Variants in RAB11A observed in about 807,000 individuals in gnomAD.
The protein encoded by RAB11A is ras-related protein Rab-11A.
A neutral mutation model predicts 28.0 loss-of-function variants in RAB11A; 9 were observed. The observed-to-expected ratio is 0.32, with a 90% confidence interval of 0.19 to 0.56. The LOEUF is 0.56. Among genes scored for constraint, RAB11A ranks in the 20% least tolerant of loss-of-function variants. RAB11A has a pLI of 0.91. For synonymous variants in RAB11A, 85 were observed against 88.2 expected, an observed-to-expected ratio of 0.96 and a Z score of 0.20; for missense variants, 108 against 269.6, an observed-to-expected ratio of 0.40 and a Z score of 4.20.
intron 4 of RAB11A, among the ~76,000 whole-genome samples, chr15:65,880,118 A>T (rs966089683): frequency 6.6e-6 from 1 of 152,248 alleles, no homozygotes; most frequent in Non-Finnish European, 1.5e-5. Context: ...AAATTTAGTA[A>T]AGGCAAAGCT....
chr15:65,883,055 C>T (rs1467951573), intron 4 of RAB11A, among the ~76,000 whole-genome samples: 1 of 152,190 alleles, frequency 6.6e-6, no homozygotes, highest in East Asian at 1.9e-4. Context: ...TGATGACCCT[C>T]ATCCTTGAGT....
Position 65,879,763 on chromosome 15 carries a change from A to G in RAB11A, c.511+12A>G, listed in dbSNP as rs181041744. 2 of 1,531,036 alleles carry G rather than the reference A, an allele frequency of 1.3e-6. No individual in the cohort carries two copies. The highest frequency in any genetic ancestry group is 1.4e-5 in the African/African-American group (1 of 72,714). 94.8% of individuals were successfully genotyped at this position (1,531,036 alleles called of 1,614,324 possible). A position where few individuals can be genotyped will look rare whatever the true frequency, so the allele number is the denominator to read the frequency against. On this transcript the variant is annotated intron_variant, in intron 4 of 4. Coordinates refer to ENST00000261890, the MANE Select transcript of RAB11A (RefSeq NM_004663.5). ...GACAATTTTAACAGGTAAGACTTGT[A>G]TTTTCAGATTACACCAGTAGGACTA...
intron 4 of RAB11A, 140 bp from the exon 5 acceptor site, chr15:65,887,561 T>C (rs1269421345): frequency 2.5e-6 from 2 of 800,372 alleles, no homozygotes; most frequent in Non-Finnish European, 1.8e-6. Context: ...TGTTTGAAAA[T>C]AAAACTTTAA....
intron 4 of RAB11A, among the ~76,000 whole-genome samples, chr15:65,883,828 TG>T (rs1464513790): frequency 1.3e-5 from 2 of 152,126 alleles, no homozygotes; most frequent in Non-Finnish European, 2.9e-5. Context: ...ATTACAGGTG[TG>T]AGCCACCGCC....
intron 4 of RAB11A, 105 bp downstream of exon 4, chr15:65,879,856 A>G (rs1054807487): frequency 1.2e-5 from 10 of 840,856 alleles, no homozygotes; most frequent in East Asian, 5.6e-5. Context: ...GAGAGTGACT[A>G]TCATTTGAGA....
intron 1 of RAB11A, among the ~76,000 whole-genome samples, chr15:65,871,919 G>GTTTTTTT (rs960414631): frequency 3.6e-4 from 26 of 72,052 alleles, no homozygotes; most frequent in African/African-American, 1.2e-3. Context: ...GGTTTTGTCA[G>GTTTTTTT]TTTTTTTTTT....
At chr15:65,884,577 T>A (rs1215564316) in intron 4 of RAB11A, among the ~76,000 whole-genome samples, 1 of 152,116 alleles carries the variant, frequency 6.6e-6, no homozygotes, top group Non-Finnish European at 1.5e-5. Flanking sequence ...ATTTGAGCAG[T>A]GTTGGTGTGT....
In RAB11A at chr15:65,877,768, T is replaced by C. The variant is rs778859839; in HGVS notation, c.243T>C (p.Tyr81=). Reference sequence around the variant, plus strand: ...AATATGTTTCTGTTTTCAGATATTATCGTGGAGCTGTAGGTGCCTTATTGG... The same window carrying C: ...AATATGTTTCTGTTTTCAGATATTACCGTGGAGCTGTAGGTGCCTTATTGG... The part of the protein sequence containing the change: ...ERYRAITSAY[Y]RGAVGALLVY... The change falls in exon 3 of 5, where the codon TAT becomes TAC. Residue 81 remains tyrosine (Y), a synonymous_variant. Coordinates refer to ENST00000261890, the MANE Select transcript of RAB11A (RefSeq NM_004663.5). This position sits in a 1 kb window ranked among gnomAD's most constrained non-coding sequence, Gnocchi z 4.1. 12 of 1,592,166 alleles carry C rather than the reference T, an allele frequency of 7.5e-6. No individual in the cohort carries two copies. In the Admixed American group the frequency reaches 1.2e-4, roughly 16 times the overall value.
At position 65,891,258 on chromosome 15, in the gene RAB11A, T is replaced by A. The variant is rs1263658742; in HGVS notation, c.*3418T>A. On this transcript the variant is annotated 3_prime_UTR_variant, in exon 5 of 5. Coordinates refer to ENST00000261890, the MANE Select transcript of RAB11A (RefSeq NM_004663.5). ...ATGGTAACAATAAAGTGATACAAAA[T>A]GCTTATGTCATTATAATTTATGTAA... is the stretch of plus-strand genomic sequence containing the variant. 2 of 152,202 alleles carry A rather than the reference T, an allele frequency of 1.3e-5. No homozygotes were observed. Among genetic ancestry groups the A allele is most frequent in the Non-Finnish European group, 2.9e-5 (2 of 68,030 alleles). The allele number at this position is 152,202 out of a possible 1,614,324, so 9.4% of individuals were successfully genotyped here.
chr15:65,879,392 T>TCTC (rs1224660602), intron 3 of RAB11A, among the ~76,000 whole-genome samples: 1 of 152,130 alleles, frequency 6.6e-6, no homozygotes, highest in Non-Finnish European at 1.5e-5. Flanking sequence ...ATGCCTGTAA[T>TCTC]CTCAGCATTT....
intron 4 of RAB11A, among the ~76,000 whole-genome samples, chr15:65,882,423 G>A (rs902799903): frequency 2.6e-5 from 4 of 152,142 alleles, no homozygotes; most frequent in African/African-American, 4.8e-5. Context: ...GAGTATTTAC[G>A]TTGTGTTTTG....
chr15:65,871,687 A>C (rs1302346520), intron 1 of RAB11A, among the ~76,000 whole-genome samples: 2 of 152,262 alleles, frequency 1.3e-5, no homozygotes, highest in East Asian at 3.9e-4. Flanking sequence ...AATTGAGAGC[A>C]CTGAGCTTTG....
chr15:65,876,851 G>A (rs572230326), intron 1 of RAB11A, among the ~76,000 whole-genome samples: 7 of 152,102 alleles, frequency 4.6e-5, no homozygotes, highest in Admixed American at 1.3e-4. Flanking sequence ...TTGATGAAAC[G>A]AAGTATATTC....
chr15:65,873,233 G>A (rs1210839194), intron 1 of RAB11A, among the ~76,000 whole-genome samples: 1 of 152,198 alleles, frequency 6.6e-6, no homozygotes, highest in Non-Finnish European at 1.5e-5. Context: ...TTAAGGCCCT[G>A]TGGGACATAA....
intron 4 of RAB11A, among the ~76,000 whole-genome samples, chr15:65,884,864 TG>T (rs536396960): frequency 1.4e-5 from 2 of 145,864 alleles, no homozygotes; most frequent in African/African-American, 5.1e-5. Flanking sequence ...TTTGTGGGGG[TG>T]GGGGGGTATG....
At chr15:65,878,595 C>T (rs1453784945) in intron 3 of RAB11A, among the ~76,000 whole-genome samples, 6 of 152,172 alleles carry the variant, frequency 3.9e-5, no homozygotes, top group African/African-American at 1.2e-4. Flanking sequence ...AGGAGAATGG[C>T]GTGAACCCGG....
rs139042718 is a variant in RAB11A, at chr15:65,881,561, C to G, written c.511+1810C>G. ...CCATCAAATCTCCTCTGCTGTAATT[C>G]TGGCCCATTTATTCTGATATTAAGT... On this transcript the variant is annotated intron_variant, in intron 4 of 4. Coordinates refer to ENST00000261890, the MANE Select transcript of RAB11A (RefSeq NM_004663.5). 2.0e-3 allele frequency among the ~76,000 whole-genome samples: 310 copies of G among 152,290 alleles called. 1 individual carries two copies. The highest frequency in any genetic ancestry group is 7.1e-3 in the African/African-American group (296 of 41,560).
At chr15:65,873,132 CT>C (rs1440772130) in intron 1 of RAB11A, among the ~76,000 whole-genome samples, 1 of 152,136 alleles carries the variant, frequency 6.6e-6, no homozygotes, top group Non-Finnish European at 1.5e-5. Context: ...AATAGTGAGA[CT>C]TTTGGTGGGA....
At chr15:65,880,772 T>A (rs902059721) in intron 4 of RAB11A, among the ~76,000 whole-genome samples, 2 of 152,224 alleles carry the variant, frequency 1.3e-5, no homozygotes, top group African/African-American at 4.8e-5. Context: ...GCAAGTTACC[T>A]AACCCTTTTA....
Sources: gnomAD v4.1 joint callset for allele counts (sites outside exome capture counted in the v4.1 genomes callset) on GRCh38, gnomAD v4.1.1 for gene constraint, Gnocchi (gnomAD v3.1) non-coding constraint, MANE v1.5 for transcripts, NCBI Gene and HGNC (gene_info 2026-07-23, HGNC 2026-07-21) for gene names.